PDE1A: variants seen among roughly 807,000 people sequenced by gnomAD.
PDE1A encodes the protein dual specificity calcium/calmodulin-dependent 3',5'-cyclic nucleotide phosphodiesterase 1A.
PDE1A carries 35 observed loss-of-function variants against 61.7 expected under a neutral mutation model. The observed-to-expected ratio is 0.57, with a 90% CI of 0.43 to 0.75. The LOEUF (loss-of-function observed/expected upper bound fraction) is 0.75, where lower values mean the gene tolerates loss of function less well. Among genes scored for constraint, PDE1A ranks in the 30% least tolerant of loss-of-function variants. The pLI, the probability that PDE1A is intolerant of heterozygous loss-of-function variation, is 0.00. For missense variants in PDE1A, 597 were observed against 630.6 expected (o/e 0.95, Z 0.57); for synonymous variants, 232 against 213.2 (o/e 1.09, Z -0.77).
intron 1 of PDE1A, among the ~76,000 whole-genome samples, chr2:182,393,108 A>T (rs1361268133): frequency 1.3e-5 from 2 of 152,260 alleles, no homozygotes; most frequent in Non-Finnish European, 2.9e-5. Flanking sequence ...GAGGTTCTCC[A>T]TAAGGACTCT....
chr2:182,632,977 G>A, the PDE1A span, among the ~76,000 whole-genome samples: 2 of 152,112 alleles, frequency 1.3e-5, no homozygotes, highest in Non-Finnish European at 2.9e-5. Flanking sequence ...CACCTAATCC[G>A]GTAGCATTCA....
At chr2:182,667,991 G>C in the PDE1A span, among the ~76,000 whole-genome samples, 1 of 152,186 alleles carries the variant, frequency 6.6e-6, no homozygotes, top group Non-Finnish European at 1.5e-5. Context: ...AAGTGGGATG[G>C]TGCTGATGAA....
At chr2:182,532,099 A>G in the PDE1A span, among the ~76,000 whole-genome samples, 1 of 118,876 alleles carries the variant, frequency 8.4e-6, no homozygotes, top group Non-Finnish European at 1.9e-5. Flanking sequence ...ATAAATCTTA[A>G]CACCATTTTG....
At chr2:182,351,662 T>G (rs555683956) in intron 1 of PDE1A, among the ~76,000 whole-genome samples, 16 of 152,336 alleles carry the variant, frequency 1.1e-4, no homozygotes, top group Admixed American at 2.6e-4. Flanking sequence ...GTGTCAGCGT[T>G]GGCACTTTAC....
the PDE1A span, among the ~76,000 whole-genome samples, chr2:182,532,520 G>A: frequency 6.6e-6 from 1 of 152,150 alleles, no homozygotes; most frequent in Non-Finnish European, 1.5e-5. Flanking sequence ...TCCAGGGGCT[G>A]GGGTTAGGAA....
the PDE1A span, among the ~76,000 whole-genome samples, chr2:182,683,901 C>T: frequency 6.6e-6 from 1 of 151,960 alleles, no homozygotes; most frequent in African/African-American, 2.4e-5. Context: ...AGGAGGATCA[C>T]CTGAGGTCAG....
chr2:182,410,000 G>A (rs1034676849), intron 1 of PDE1A, among the ~76,000 whole-genome samples: 1 of 151,832 alleles, frequency 6.6e-6, no homozygotes, highest in Admixed American at 6.6e-5. Context: ...GGAAATAAAC[G>A]TACAAAAAAT....
At chr2:182,183,343 G>T (rs1684926436) in intron 13 of PDE1A, among the ~76,000 whole-genome samples, 1 of 152,156 alleles carries the variant, frequency 6.6e-6, no homozygotes, top group South Asian at 2.1e-4. Context: ...TTAAAAAATT[G>T]TTGGACATTC....
chr2:182,418,369 T>G (rs1372842503), intron 1 of PDE1A, among the ~76,000 whole-genome samples: 1 of 152,192 alleles, frequency 6.6e-6, no homozygotes, highest in African/African-American at 2.4e-5. Context: ...ACTTTTTAAC[T>G]TTTTAAAACT....
chr2:182,155,972 G>A (rs1691059447), intron 13 of PDE1A, among the ~76,000 whole-genome samples: 1 of 152,048 alleles, frequency 6.6e-6, no homozygotes, highest in African/African-American at 2.4e-5. Context: ...CTCCCATGCT[G>A]TTCTCATGGT....
intron 1 of PDE1A, among the ~76,000 whole-genome samples, chr2:182,344,135 G>T (rs1698370279): frequency 6.6e-6 from 1 of 152,028 alleles, no homozygotes; most frequent in Non-Finnish European, 1.5e-5. Context: ...GCCTCCCAAA[G>T]TGCTGGTATT....
chr2:182,489,011 T>G (rs896123937), intron 2 of PDE1A, among the ~76,000 whole-genome samples: 1 of 152,136 alleles, frequency 6.6e-6, no homozygotes, highest in Non-Finnish European at 1.5e-5. Flanking sequence ...AGGTGAAAAG[T>G]TTATAAATAA....
At chr2:182,209,151 G>C (rs746065392) in intron 7 of PDE1A, among the ~76,000 whole-genome samples, 8 of 152,128 alleles carry the variant, frequency 5.3e-5, no homozygotes, top group South Asian at 2.1e-4. Context: ...ATTTACAAAA[G>C]AAAGAGGTTT....
chr2:182,307,500 C>A (rs985420220), intron 1 of PDE1A, among the ~76,000 whole-genome samples: 2 of 152,088 alleles, frequency 1.3e-5, no homozygotes, highest in African/African-American at 4.8e-5. Flanking sequence ...TTTTGAGCCT[C>A]CAAAGCTGTG....
At chr2:182,593,815 C>T in the PDE1A span, among the ~76,000 whole-genome samples, 1 of 152,152 alleles carries the variant, frequency 6.6e-6, no homozygotes, top group Non-Finnish European at 1.5e-5. Context: ...CAATAAAGGT[C>T]TTTTGAGTGT....
In PDE1A at chr2:182,280,397, C is replaced by A. The variant is rs186546181; in HGVS notation, c.54-15983G>T. Among the ~76,000 whole-genome samples, 69 of 152,006 alleles carry A rather than the reference C, an allele frequency of 4.5e-4. 1 individual carries two copies. Among genetic ancestry groups the A allele is most frequent in the African/African-American group, 1.6e-3 (67 of 41,528 alleles). ...CTGTTGGATTCCCTGTTTCTGGATT[C>A]TATGACCTCACTTCTGAATTTTCTT... is the stretch of plus-strand genomic sequence containing the variant. On this transcript the variant is annotated intron_variant, in intron 1 of 13. Coordinates refer to ENST00000351439, the Ensembl canonical transcript of PDE1A.
At chr2:182,716,357 G>A in the PDE1A span, 2 of 152,300 alleles carry the variant, frequency 1.3e-5, no homozygotes, top group African/African-American at 2.4e-5. Flanking sequence ...CGTGCGCCGC[G>A]GCTGGGCCGT....
intron 2 of PDE1A, among the ~76,000 whole-genome samples, chr2:182,439,616 A>G (rs1357065333): frequency 2.0e-5 from 3 of 152,060 alleles, no homozygotes; most frequent in Non-Finnish European, 4.4e-5. Context: ...TAAAGTTGGC[A>G]GCATGGAAGC....
At chr2:182,278,836 T>C (rs1269690711) in intron 1 of PDE1A, among the ~76,000 whole-genome samples, 1 of 152,004 alleles carries the variant, frequency 6.6e-6, no homozygotes, top group Non-Finnish European at 1.5e-5. Flanking sequence ...CCCAAGAATA[T>C]GTGAAGTTCT....
Sources: allele counts gnomAD v4.1 joint callset (sites outside exome capture counted in the v4.1 genomes callset), GRCh38; gene constraint gnomAD v4.1.1; transcripts MANE v1.5; gene names NCBI Gene and HGNC (gene_info 2026-07-23, HGNC 2026-07-21).